PPP1R13B: variants seen among roughly 807,000 people sequenced by gnomAD.
PPP1R13B encodes protein phosphatase 1 regulatory subunit 13B, also known as apoptosis-stimulating of p53 protein 1.
A neutral mutation model predicts 119.8 loss-of-function variants in PPP1R13B; 44 were observed. The ratio of observed to expected loss-of-function variants is 0.37; its 90% confidence interval spans 0.29 to 0.47. The LOEUF (loss-of-function observed/expected upper bound fraction) is 0.47, where lower values mean the gene tolerates loss of function less well. Ranked by LOEUF, PPP1R13B falls within the 20% of genes least tolerant of loss-of-function variation. The pLI is 0.99. For synonymous variants in PPP1R13B, 542 were observed against 561.5 expected (o/e 0.97, Z 0.49); for missense variants, 1,227 against 1,413.5 (o/e 0.87, Z 2.12).
intron 1 of PPP1R13B, among the ~76,000 whole-genome samples, chr14:103,821,350 A>G (rs1261600565): frequency 6.6e-6 from 1 of 152,216 alleles, no homozygotes; most frequent in Non-Finnish European, 1.5e-5. Context: ...TGGGCACTGA[A>G]AAAGTCGGGA....
At chr14:103,847,249 C>T in intron 1 of PPP1R13B, 50 bp downstream of exon 1, 1 of 1,162,362 alleles carries the variant, frequency 8.6e-7, no homozygotes, top group Non-Finnish European at 1.1e-6. Context: ...GAGGTTTGGC[C>T]AGCGGCCCGC....
intron 4 of PPP1R13B, among the ~76,000 whole-genome samples, chr14:103,770,137 C>T (rs2085032327): frequency 6.6e-6 from 1 of 151,896 alleles, no homozygotes; most frequent in Non-Finnish European, 1.5e-5. Flanking sequence ...AAGTGATCCA[C>T]CTACCTCGGC....
chr14:103,741,737 T>C (rs2084261705), intron 11 of PPP1R13B, 53 bp downstream of exon 11: 4 of 1,539,394 alleles, frequency 2.6e-6, no homozygotes, highest in Non-Finnish European at 3.5e-6. Flanking sequence ...ATTTTCTTAA[T>C]TAAAAGTATA....
chr14:103,761,111 A>G (rs1275119131), intron 4 of PPP1R13B, among the ~76,000 whole-genome samples: 1 of 151,554 alleles, frequency 6.6e-6, no homozygotes, highest in East Asian at 2.0e-4. Flanking sequence ...TCATCACTAC[A>G]AAATACACAA....
intron 1 of PPP1R13B, among the ~76,000 whole-genome samples, chr14:103,812,308 T>A (rs2086178731): frequency 6.6e-6 from 1 of 151,376 alleles, no homozygotes; most frequent in South Asian, 2.1e-4. Flanking sequence ...ATATTTTTAG[T>A]AGAGATGGGG....
chr14:103,776,186 G>GAGGAAGGAAGGAAGGAAGGA lies in PPP1R13B; in HGVS notation c.354+2539_354+2558dup, dbSNP rs1307197386. ...GAAGGGAAGGAGGGAGGGAGGGAGGGAGGAAGGAAGGAAGGAAGGAAGGAA... is the reference window on the plus strand; with the variant it reads ...GAAGGGAAGGAGGGAGGGAGGGAGGGAGGAAGGAAGGAAGGAAGGAAGGAAGGAAGGAAGGAAGGAAGGAA... On this transcript the variant is annotated intron_variant, in intron 4 of 16. Transcript: ENST00000202556. Among the ~76,000 whole-genome samples the GAGGAAGGAAGGAAGGAAGGA allele has an allele frequency of 8.2e-4, 62 of 76,012 alleles. 1 individual carries two copies. The highest frequency in any genetic ancestry group is 1.1e-3 in the Admixed American group (7 of 6,584). The allele number at this position is 76,012 out of a possible 152,430, so 49.9% of individuals were successfully genotyped here.
chr14:103,796,742 A>C (rs542639986), intron 2 of PPP1R13B, among the ~76,000 whole-genome samples: 1 of 152,244 alleles, frequency 6.6e-6, no homozygotes, highest in African/African-American at 2.4e-5. Flanking sequence ...GGATTGCCTG[A>C]GCTCAGGAGT....
chr14:103,813,118 T>C (rs775621886), intron 1 of PPP1R13B, among the ~76,000 whole-genome samples: 1 of 152,216 alleles, frequency 6.6e-6, no homozygotes, highest in Non-Finnish European at 1.5e-5. Flanking sequence ...TATGGCAGCT[T>C]TGTTCATAAT....
At chr14:103,813,609 C>T (rs1475887489) in intron 1 of PPP1R13B, among the ~76,000 whole-genome samples, 1 of 152,200 alleles carries the variant, frequency 6.6e-6, no homozygotes, top group Non-Finnish European at 1.5e-5. Context: ...TTGTAAGTTC[C>T]TGAGGTCTCC....
chr14:103,734,670 TG>T lies in PPP1R13B; in HGVS notation c.*483del. ...TGTTTCCATACAGAGGCTCCTTTGG[TG>T]ATGAAGGGAAGAAGGATCATGTGTG... On this transcript the variant is annotated 3_prime_UTR_variant, in exon 17 of 17. Coordinates refer to ENST00000202556, the MANE Select transcript of PPP1R13B (RefSeq NM_015316.3). 1 of 456,604 alleles carries T rather than the reference TG, an allele frequency of 2.2e-6. No homozygotes were observed. The highest frequency in any genetic ancestry group is 6.9e-5 in the East Asian group (1 of 14,396). 28.3% of individuals were successfully genotyped at this position (456,604 alleles called of 1,614,324 possible). A position where few individuals can be genotyped will look rare whatever the true frequency, so the allele number is the denominator to read the frequency against.
chr14:103,789,765 C>T (rs1352781778), intron 2 of PPP1R13B, among the ~76,000 whole-genome samples: 8 of 152,292 alleles, frequency 5.3e-5, no homozygotes, highest in African/African-American at 1.4e-4. Context: ...CCACCCACCT[C>T]GGCCTCCCAA....
chr14:103,750,790 T>C (rs1374008338), intron 7 of PPP1R13B, among the ~76,000 whole-genome samples: 2 of 147,126 alleles, frequency 1.4e-5, no homozygotes, highest in African/African-American at 2.5e-5. Flanking sequence ...GAGATTGCCC[T>C]ACTGCACTCC....
At chr14:103,807,363 C>T (rs1194831571) in intron 1 of PPP1R13B, among the ~76,000 whole-genome samples, 1 of 152,144 alleles carries the variant, frequency 6.6e-6, no homozygotes, top group African/African-American at 2.4e-5. Flanking sequence ...TTTGTTTATC[C>T]TCTGTCTGTT....
chr14:103,836,937 T>C (rs1347923493), intron 1 of PPP1R13B, among the ~76,000 whole-genome samples: 1 of 152,220 alleles, frequency 6.6e-6, no homozygotes, highest in African/African-American at 2.4e-5. Context: ...AATCTCTGTT[T>C]ATACTTTGGT....
At position 103,778,734 on chromosome 14, in the gene PPP1R13B, C is replaced by G. The variant is rs149157934; in HGVS notation, c.354+11G>C. The G allele has an allele frequency of 6.2e-7, 1 of 1,605,430 alleles. No individual in the cohort carries two copies. Among genetic ancestry groups the G allele is most frequent in the Admixed American group, 1.7e-5 (1 of 59,886 alleles). Reference sequence around the variant, plus strand: ...AATTTTTAAAATTCAATTTAATTCACTGTCACTTACCCCATTTTCAGTACG... The same window carrying G: ...AATTTTTAAAATTCAATTTAATTCAGTGTCACTTACCCCATTTTCAGTACG... On this transcript the variant is annotated intron_variant, in intron 4 of 16. Transcript: ENST00000202556.
intron 1 of PPP1R13B, among the ~76,000 whole-genome samples, chr14:103,826,495 AG>A (rs746051274): frequency 1.2e-4 from 18 of 152,348 alleles, no homozygotes; most frequent in South Asian, 4.1e-4. Context: ...AGCAGTTATT[AG>A]TCTGGATTTC....
chr14:103,803,966 T>C (rs2085960898), intron 1 of PPP1R13B: 1 of 833,632 alleles, frequency 1.2e-6, no homozygotes, highest in Non-Finnish European at 1.4e-6. Flanking sequence ...ACTGTGGCTA[T>C]TTATAGTACA....
chr14:103,763,358 T>C (rs949283459), intron 4 of PPP1R13B: 2 of 201,666 alleles, frequency 9.9e-6, no homozygotes, highest in Non-Finnish European at 2.0e-5. Flanking sequence ...AATCTCTTCC[T>C]TATCAGTGGC....
chr14:103,845,003 A>C (rs764300374), intron 1 of PPP1R13B, among the ~76,000 whole-genome samples: 23 of 152,190 alleles, frequency 1.5e-4, no homozygotes, highest in Non-Finnish European at 2.6e-4. Context: ...TTAAAATAAT[A>C]TTTTGGATAT....
Sources: allele counts gnomAD v4.1 joint callset (sites outside exome capture counted in the v4.1 genomes callset), GRCh38; gene constraint gnomAD v4.1.1; transcripts MANE v1.5; gene names NCBI Gene and HGNC (gene_info 2026-07-23, HGNC 2026-07-21).